MYO3B: variants seen among roughly 807,000 people sequenced by gnomAD.
The protein encoded by MYO3B is myosin IIIB, also known as myosin-IIIb.
In MYO3B, 156 loss-of-function variants were observed where a neutral mutation model predicts 174.6. The ratio of observed to expected loss-of-function variants is 0.89; its 90% CI spans 0.78 to 1.02. The LOEUF (loss-of-function observed/expected upper bound fraction) is 1.02. Ranked by LOEUF, MYO3B falls within the 50% of genes least tolerant of loss-of-function variation. The pLI is 0.00. For missense variants in MYO3B, 1,632 were observed against 1,639.4 expected, an observed-to-expected ratio of 1.00 and a Z score of 0.08; for synonymous variants, 563 against 569.1, an observed-to-expected ratio of 0.99 and a Z score of 0.15.
intron 7 of MYO3B, among the ~76,000 whole-genome samples, chr2:170,324,260 A>T (rs1363414357): frequency 6.6e-6 from 1 of 152,062 alleles, no homozygotes; most frequent in Non-Finnish European, 1.5e-5. Context: ...CCCTTTTTCT[A>T]CATTTTTATT....
intron 7 of MYO3B, among the ~76,000 whole-genome samples, chr2:170,270,399 T>TA (rs1167801751): frequency 3.9e-5 from 6 of 152,114 alleles, no homozygotes; most frequent in Non-Finnish European, 5.9e-5. Flanking sequence ...CCAGAGATTT[T>TA]AAAAAATGAT....
intron 23 of MYO3B, 144 bp from the exon 24 acceptor site, chr2:170,463,224 T>C (rs751432472): frequency 1.5e-5 from 9 of 581,636 alleles, no homozygotes; most frequent in Non-Finnish European, 2.5e-5. Flanking sequence ...TTTTGAAAAA[T>C]TCTCCCCACA....
intron 7 of MYO3B, among the ~76,000 whole-genome samples, chr2:170,318,192 A>C (rs1261219192): frequency 6.6e-6 from 1 of 152,180 alleles, no homozygotes; most frequent in East Asian, 1.9e-4. Context: ...AGTTGCATAC[A>C]AGTTTGGAGA....
intron 30 of MYO3B, among the ~76,000 whole-genome samples, chr2:170,534,380 C>A (rs1183001154): frequency 5.9e-5 from 9 of 152,160 alleles, no homozygotes. Flanking sequence ...AGAACAAAAC[C>A]CACAGTATCT....
intron 27 of MYO3B, 125 bp downstream of exon 27, chr2:170,499,933 C>CCCTTCCTTCCTT (rs1179164017): frequency 1.9e-5 from 13 of 696,742 alleles, no homozygotes; most frequent in Non-Finnish European, 2.8e-5. Context: ...CTCCCTCCCT[C>CCCTTCCTTCCTT]CCTTCCTTCC....
chr2:170,445,619 C>T (rs966960932), intron 23 of MYO3B, among the ~76,000 whole-genome samples: 4 of 151,766 alleles, frequency 2.6e-5, no homozygotes, highest in South Asian at 2.1e-4. Context: ...GGATTACAGG[C>T]GCTCGCCACC....
In MYO3B at chr2:170,286,801, T is replaced by A. The variant is rs149462252; in HGVS notation, c.750-48584T>A. Among the ~76,000 whole-genome samples, 713 of 152,236 alleles carry A rather than the reference T, an allele frequency of 4.7e-3. 5 individuals are homozygous for A. Among genetic ancestry groups the A allele is most frequent in the African/African-American group, 0.016 (677 of 41,556 alleles). Reference sequence around the variant, plus strand: ...GGGTAAAAAATAAACATAAAATGTATCATCTTTACCATTTTTAAGTATAGA... The same window carrying A: ...GGGTAAAAAATAAACATAAAATGTAACATCTTTACCATTTTTAAGTATAGA... On this transcript the variant is annotated intron_variant, in intron 7 of 34. Transcript: ENST00000408978.
At chr2:170,448,697 T>A (rs767640648) in intron 23 of MYO3B, among the ~76,000 whole-genome samples, 10 of 152,218 alleles carry the variant, frequency 6.6e-5, no homozygotes, top group African/African-American at 2.2e-4. Context: ...AAGCATTAGT[T>A]TGGGGACTTG....
intron 7 of MYO3B, among the ~76,000 whole-genome samples, chr2:170,278,471 A>C (rs1272867347): frequency 1.3e-5 from 2 of 152,026 alleles, no homozygotes; most frequent in Non-Finnish European, 2.9e-5. Context: ...CTAGTGCATA[A>C]ATTTTTTCTT....
chr2:170,526,116 T>G (rs543258218), intron 30 of MYO3B, among the ~76,000 whole-genome samples: 4 of 152,180 alleles, frequency 2.6e-5, no homozygotes, highest in Admixed American at 6.5e-5. Flanking sequence ...TGAGCTTTGG[T>G]GACAGACCTG....
chr2:170,210,983 G>A (rs2092763950), intron 3 of MYO3B, among the ~76,000 whole-genome samples: 1 of 152,178 alleles, frequency 6.6e-6, no homozygotes. Flanking sequence ...TGGCCTCTGG[G>A]TGGGGCCCTT....
chr2:170,449,875 AG>A, intron 23 of MYO3B, among the ~76,000 whole-genome samples: 1 of 152,328 alleles, frequency 6.6e-6, no homozygotes, highest in East Asian at 1.9e-4. Flanking sequence ...AAGTCCTAGA[AG>A]TTTGTTTTGT....
chr2:170,263,409 T>C (rs1432101855), intron 7 of MYO3B, among the ~76,000 whole-genome samples: 1 of 152,034 alleles, frequency 6.6e-6, no homozygotes, highest in Non-Finnish European at 1.5e-5. Context: ...GAAAGAAAAG[T>C]GGGCCCAGGG....
At chr2:170,393,935 T>C (rs1323673548) in intron 16 of MYO3B, among the ~76,000 whole-genome samples, 2 of 152,052 alleles carry the variant, frequency 1.3e-5, no homozygotes, top group Non-Finnish European at 2.9e-5. Flanking sequence ...AAAGAACAGG[T>C]TTTTTAAATC....
At chr2:170,594,449 C>T (rs566290134) in intron 32 of MYO3B, among the ~76,000 whole-genome samples, 16 of 152,264 alleles carry the variant, frequency 1.1e-4, no homozygotes, top group African/African-American at 3.9e-4. Flanking sequence ...ATACCTGAAG[C>T]CAGCTCTTCT....
chr2:170,634,079 C>G (rs1468316465), intron 32 of MYO3B, among the ~76,000 whole-genome samples: 1 of 152,160 alleles, frequency 6.6e-6, no homozygotes, highest in South Asian at 2.1e-4. Context: ...CCCCATCAAG[C>G]TACCAATGAC....
At chr2:170,406,365 T>A (rs2094509178) in intron 21 of MYO3B, among the ~76,000 whole-genome samples, 1 of 152,228 alleles carries the variant, frequency 6.6e-6, no homozygotes. Context: ...GTATTGAAAT[T>A]GTCATTCATA....
chr2:170,392,232 G>T (rs2094417137), intron 15 of MYO3B, 149 bp from the exon 16 acceptor site: 1 of 457,170 alleles, frequency 2.2e-6, no homozygotes, highest in Non-Finnish European at 3.9e-6. Context: ...GTTCAAGGCT[G>T]CAGTGAGCTA....
intron 32 of MYO3B, among the ~76,000 whole-genome samples, chr2:170,607,942 T>C (rs1694913452): frequency 6.6e-6 from 1 of 152,178 alleles, no homozygotes; most frequent in Admixed American, 6.5e-5. Context: ...GAAAGATATG[T>C]TTTGTGAAGG....
Sources: allele counts gnomAD v4.1 joint callset (sites outside exome capture counted in the v4.1 genomes callset), GRCh38; gene constraint gnomAD v4.1.1; transcripts MANE v1.5; gene names NCBI Gene and HGNC (gene_info 2026-07-23, HGNC 2026-07-21).